Variants in TBL1Y observed in about 807,000 individuals in gnomAD.
TBL1Y encodes transducin beta like 1 Y-linked, also known as F-box-like/WD repeat-containing protein TBL1Y.
TBL1Y carries 15 observed loss-of-function variants against 12.0 expected under a neutral mutation model. That is an observed-to-expected ratio of 1.25 (90% CI 0.83 to 1.92). The LOEUF is 1.92. Ranked by LOEUF, TBL1Y falls within the 40% of genes most tolerant of loss-of-function variation. TBL1Y has a pLI of 0.00. For synonymous variants in TBL1Y, 53 were observed against 42.6 expected (o/e 1.24, Z -0.95); for missense variants, 148 against 116.7 (o/e 1.27, Z -1.24).
At chrY:7,029,974 T>A in intron 6 of TBL1Y, among the ~76,000 whole-genome samples, 1 of 34,288 alleles carries the variant, frequency 2.9e-5, no homozygotes, top group Non-Finnish European at 7.3e-5. Flanking sequence ...GACATTTGGG[T>A]GCTTTCTAGG....
intron 4 of TBL1Y, 77 bp downstream of exon 4, chrY:6,995,975 G>A (rs748906904): frequency 3.2e-5 from 1 of 31,566 alleles, no homozygotes; most frequent in African/African-American, 1.3e-4. Flanking sequence ...TGCAGCTCAG[G>A]GTAGCTTTGG....
At chrY:7,082,359 G>C (rs2013104137) in intron 14 of TBL1Y, among the ~76,000 whole-genome samples, 1 of 33,165 alleles carries the variant, frequency 3.0e-5, no homozygotes, top group Non-Finnish European at 7.4e-5. Flanking sequence ...GGCTCTTTCT[G>C]GTCTTTTCAT....
chrY:7,071,767 C>A lies in TBL1Y; in HGVS notation c.831C>A (p.Gly277=). 2.5e-6 allele frequency: 1 copy of A among 397,947 alleles called. No individual in the cohort carries two copies. Among genetic ancestry groups the A allele is most frequent in the East Asian group, 9.2e-5 (1 of 10,823 alleles). Residue 277 remains glycine, a synonymous_variant, in exon 12 of 19, where the codon GGC becomes GGA. Transcript: ENST00000383032. ...CCAGCACCTTAGGCCAACATAAAGG[C>A]CCCATCTTCGCTCTGAAATGGAACA... is the stretch of plus-strand genomic sequence containing the variant. The part of the protein sequence containing the change: ...NLASTLGQHK[G]PIFALKWNKK...
intron 3 of TBL1Y, among the ~76,000 whole-genome samples, chrY:6,983,503 G>T (rs1200094297): frequency 3.0e-5 from 1 of 33,160 alleles, no homozygotes; most frequent in Admixed American, 2.7e-4. Flanking sequence ...ATGATTCGTG[G>T]CTTCCAAAAA....
chrY:7,044,130 A>G (rs2012745350), intron 7 of TBL1Y, among the ~76,000 whole-genome samples: 1 of 33,507 alleles, frequency 3.0e-5, no homozygotes, highest in Non-Finnish European at 7.4e-5. Context: ...TCAGGAATCT[A>G]TAGTGAAGAT....
At chrY:6,938,982 CAA>C (rs2011924340) in intron 2 of TBL1Y, among the ~76,000 whole-genome samples, 1 of 33,852 alleles carries the variant, frequency 3.0e-5, no homozygotes. Flanking sequence ...AGTGCAGACC[CAA>C]AGAGTGAGCA....
At chrY:7,045,366 G>T in intron 7 of TBL1Y, among the ~76,000 whole-genome samples, 1 of 33,377 alleles carries the variant, frequency 3.0e-5, no homozygotes, top group Non-Finnish European at 7.4e-5. Flanking sequence ...AATGGAGAGG[G>T]TGAAGTAAAG....
chrY:7,066,347 T>TTTGTTGTTATTGTTGTTGTTG (rs2012982311), intron 8 of TBL1Y, among the ~76,000 whole-genome samples: 1 of 33,374 alleles, frequency 3.0e-5, no homozygotes, highest in African/African-American at 1.2e-4. Flanking sequence ...AAGAACTGTT[T>TTTGTTGTTATTGTTGTTGTTG]TTGTTGTTAT....
chrY:6,911,103 C>T (rs2011687854), intron 1 of TBL1Y, 121 bp downstream of exon 1: 1 of 36,118 alleles, frequency 2.8e-5, no homozygotes, highest in South Asian at 6.2e-4. Context: ...CCACGAACTC[C>T]TGGAGACGCA....
intron 2 of TBL1Y, among the ~76,000 whole-genome samples, chrY:6,922,244 A>G (rs2011784315): frequency 2.9e-5 from 1 of 34,184 alleles, no homozygotes; most frequent in Non-Finnish European, 7.3e-5. Context: ...AGTAGCAGCA[A>G]GATCTACTGC....
At chrY:6,915,812 C>T in intron 2 of TBL1Y, among the ~76,000 whole-genome samples, 1 of 33,597 alleles carries the variant, frequency 3.0e-5, no homozygotes, top group Non-Finnish European at 7.4e-5. Flanking sequence ...GCTGGGAGTC[C>T]GGATTCTGGT....
chrY:7,040,220 G>A (rs187335757), intron 6 of TBL1Y, among the ~76,000 whole-genome samples: 76 of 34,308 alleles, frequency 2.2e-3, no homozygotes, highest in African/African-American at 8.0e-3. Flanking sequence ...TTTATGCTGC[G>A]CATTTGTCAT....
intron 2 of TBL1Y, among the ~76,000 whole-genome samples, chrY:6,963,659 G>T (rs2012147079): frequency 2.9e-5 from 1 of 33,902 alleles, no homozygotes; most frequent in African/African-American, 1.2e-4. Context: ...GGAATCTTTT[G>T]CAGGGGCTCT....
chrY:6,939,619 C>T, intron 2 of TBL1Y, among the ~76,000 whole-genome samples: 1 of 30,496 alleles, frequency 3.3e-5, no homozygotes, highest in Non-Finnish European at 7.9e-5. Flanking sequence ...CTTCCTTTGC[C>T]TGCAAGATTT....
rs1001246054 is a variant in TBL1Y at position 6,916,972 on chromosome Y, C to T, written c.-266+4800C>T. Among the ~76,000 whole-genome samples the T allele has an allele frequency of 8.8e-5, 3 of 34,283 alleles. No individual in the cohort carries two copies. In the East Asian group the frequency reaches 2.4e-3, roughly 27 times the overall value. The allele number at this position is 34,283 out of a possible 37,273, so 92.0% of individuals were successfully genotyped here. A position where few individuals can be genotyped will look rare whatever the true frequency, so the allele number is the denominator to read the frequency against. Reference sequence around the variant, plus strand: ...AGCTCCTGGCATCTGGTGGGTGGAGCCCTGGGATGCTGCCCAGTGCCCTGT... The same window carrying T: ...AGCTCCTGGCATCTGGTGGGTGGAGTCCTGGGATGCTGCCCAGTGCCCTGT... On this transcript the variant is annotated intron_variant, in intron 2 of 18. Transcript: ENST00000383032.
At chrY:6,933,004 G>T (rs1603026525) in intron 2 of TBL1Y, among the ~76,000 whole-genome samples, 1 of 31,999 alleles carries the variant, frequency 3.1e-5, no homozygotes, top group African/African-American at 1.2e-4. Flanking sequence ...GGGTTCAAGG[G>T]ATTCTCCTGC....
chrY:7,006,982 A>G, intron 4 of TBL1Y, among the ~76,000 whole-genome samples: 1 of 33,843 alleles, frequency 3.0e-5, no homozygotes, highest in Non-Finnish European at 7.3e-5. Context: ...TGACATGAAG[A>G]TGTTGTTAAA....
intron 7 of TBL1Y, among the ~76,000 whole-genome samples, chrY:7,061,902 C>G (rs866535195): frequency 1.2e-4 from 3 of 25,533 alleles, no homozygotes; most frequent in African/African-American, 4.7e-4. Flanking sequence ...GGAAGAGGGT[C>G]CAAGCTGACC....
intron 2 of TBL1Y, among the ~76,000 whole-genome samples, chrY:6,912,525 C>G: frequency 3.0e-5 from 1 of 33,088 alleles, no homozygotes; most frequent in East Asian, 8.1e-4. Flanking sequence ...GAGTCCTCTG[C>G]TAGCAGTTTT....
Sources: allele counts gnomAD v4.1 joint callset (sites outside exome capture counted in the v4.1 genomes callset), GRCh38; gene constraint gnomAD v4.1.1; transcripts MANE v1.5; gene names NCBI Gene and HGNC (gene_info 2026-07-23, HGNC 2026-07-21).